Variants in SERPINI2 observed in about 807,000 individuals in gnomAD.
The protein encoded by SERPINI2 is serpin family I member 2, also known as serpin I2.
Under a neutral mutation model 47.3 loss-of-function variants are expected in SERPINI2, and 48 were observed. That is an observed-to-expected ratio of 1.02 (90% CI 0.81 to 1.29). The LOEUF (loss-of-function observed/expected upper bound fraction) is 1.29. Among genes scored for constraint, SERPINI2 ranks in the 50% most tolerant of loss-of-function variants. The probability of loss-of-function intolerance (pLI) is 0.00; values close to 1 mark genes in which losing one functional copy is unlikely to be tolerated. For synonymous variants in SERPINI2, 135 were observed against 149.3 expected, an observed-to-expected ratio of 0.90 and a Z score of 0.70; for missense variants, 448 against 456.9, an observed-to-expected ratio of 0.98 and a Z score of 0.18.
intron 7 of SERPINI2, 105 bp from the exon 8 acceptor site, chr3:167,446,586 G>A: frequency 5.9e-6 from 4 of 678,052 alleles, no homozygotes; most frequent in Non-Finnish European, 9.6e-6. Context: ...TTTTGTGTAA[G>A]GAGTTAACAT....
At chr3:167,474,195 C>T, upstream of SERPINI2, 1 of 866,402 alleles carries the variant, frequency 1.2e-6, no homozygotes, top group Non-Finnish European at 1.4e-6. Context: ...GGTTAATGAT[C>T]AACTGATGAA....
At chr3:167,444,058 A>G (rs908786140) in intron 8 of SERPINI2, among the ~76,000 whole-genome samples, 1 of 152,136 alleles carries the variant, frequency 6.6e-6, no homozygotes, top group South Asian at 2.1e-4. Flanking sequence ...GCGAGAAAAA[A>G]AATTCTTAAT....
At chr3:167,472,771 C>T (rs1413460574) in intron 1 of SERPINI2, among the ~76,000 whole-genome samples, 1 of 151,750 alleles carries the variant, frequency 6.6e-6, no homozygotes, top group Non-Finnish European at 1.5e-5. Flanking sequence ...GGAAATTCAA[C>T]CATTTGATTA....
chr3:167,462,424 T>C (rs940209819), intron 5 of SERPINI2, among the ~76,000 whole-genome samples: 1 of 152,188 alleles, frequency 6.6e-6, no homozygotes, highest in African/African-American at 2.4e-5. Flanking sequence ...GCCTCTCTTG[T>C]TGATTTGTAG....
chr3:167,460,005 T>C (rs1560233908), intron 5 of SERPINI2, among the ~76,000 whole-genome samples: 1 of 152,090 alleles, frequency 6.6e-6, no homozygotes, highest in East Asian at 1.9e-4. Context: ...TATCGGAAGG[T>C]AGGAAGAGGC....
chr3:167,461,544 A>G (rs1397514583), intron 5 of SERPINI2, among the ~76,000 whole-genome samples: 1 of 151,978 alleles, frequency 6.6e-6, no homozygotes, highest in Non-Finnish European at 1.5e-5. Flanking sequence ...GAAGTTTGAG[A>G]TGACGAGGGC....
At chr3:167,464,465 A>C (rs1313890164) in intron 5 of SERPINI2, among the ~76,000 whole-genome samples, 2 of 152,194 alleles carry the variant, frequency 1.3e-5, no homozygotes, top group Non-Finnish European at 2.9e-5. Context: ...AGGAAGTAAA[A>C]ACCAAGAGGT....
At chr3:167,455,440 AT>A (rs1379102528) in intron 5 of SERPINI2, among the ~76,000 whole-genome samples, 1 of 152,082 alleles carries the variant, frequency 6.6e-6, no homozygotes, top group Non-Finnish European at 1.5e-5. Context: ...CTTTCCCCTT[AT>A]CCCCAGAGTT....
intron 5 of SERPINI2, among the ~76,000 whole-genome samples, chr3:167,459,078 G>GTTTGTTTGTTTTTTTTTTTTTTTTT (rs1560233541): frequency 7.2e-6 from 1 of 139,028 alleles, no homozygotes; most frequent in African/African-American, 2.7e-5. Flanking sequence ...GTTTTTTTTT[G>GTTTGTTTGTTTTTTTTTTTTTTTTT]TTTTTTTTTT....
At chr3:167,473,475 C>A (rs1750395550) in intron 1 of SERPINI2, among the ~76,000 whole-genome samples, 1 of 151,382 alleles carries the variant, frequency 6.6e-6, no homozygotes, top group Non-Finnish European at 1.5e-5. Flanking sequence ...GTTATTAGTA[C>A]CTTTAAGTTA....
At chr3:167,466,427 C>T (rs1314655794) in intron 3 of SERPINI2, among the ~76,000 whole-genome samples, 1 of 152,178 alleles carries the variant, frequency 6.6e-6, no homozygotes. Context: ...ACTTCACATA[C>T]ATTATTATTA....
intron 5 of SERPINI2, 149 bp from the exon 6 acceptor site, chr3:167,453,182 T>A: frequency 2.0e-6 from 1 of 504,064 alleles, no homozygotes. Flanking sequence ...TCACACCATT[T>A]TCCCCGGCTC....
intron 5 of SERPINI2, among the ~76,000 whole-genome samples, chr3:167,456,120 A>G (rs1004314036): frequency 1.3e-5 from 2 of 150,870 alleles, no homozygotes; most frequent in African/African-American, 4.9e-5. Context: ...AGTACACAGT[A>G]AATTCTGGTC....
At chr3:167,471,239 T>C (rs1750307904) in intron 2 of SERPINI2, among the ~76,000 whole-genome samples, 1 of 152,100 alleles carries the variant, frequency 6.6e-6, no homozygotes, top group Non-Finnish European at 1.5e-5. Context: ...AGAATATGTA[T>C]GTGTATAGAT....
chr3:167,458,692 T>G (rs943128064), intron 5 of SERPINI2, among the ~76,000 whole-genome samples: 1 of 152,186 alleles, frequency 6.6e-6, no homozygotes, highest in Non-Finnish European at 1.5e-5. Context: ...TCCCAATCAA[T>G]GTTTTTGAAC....
At chr3:167,444,553 T>C (rs988018227) in intron 8 of SERPINI2, among the ~76,000 whole-genome samples, 4 of 152,194 alleles carry the variant, frequency 2.6e-5, no homozygotes, top group African/African-American at 9.6e-5. Flanking sequence ...TTAATCTCAA[T>C]GATTTCTTGA....
rs536884425 is a variant in SERPINI2 at position 167,470,550 on chromosome 3, CTTTTTT to C, written c.247+1032_247+1037del. ...AGATAGCTGAGGAGATGAGCAACAA[CTTTTTT>C]TTTTTTTTTTTTTTTTTTTTTTTGG... On this transcript the variant is annotated intron_variant, in intron 2 of 8. Transcript: ENST00000264677. Among the ~76,000 whole-genome samples the C allele has an allele frequency of 2.7e-3, 251 of 93,004 alleles. 2 individuals carry two copies. Among genetic ancestry groups the C allele is most frequent in the East Asian group, 5.8e-3 (19 of 3,304 alleles). The allele number at this position is 93,004 out of a possible 152,430, so 61.0% of individuals were successfully genotyped here.
chr3:167,459,724 G>A, intron 5 of SERPINI2, among the ~76,000 whole-genome samples: 1 of 149,762 alleles, frequency 6.7e-6, no homozygotes, highest in East Asian at 2.0e-4. Context: ...CTACCAAAGA[G>A]ATATTTTACA....
At chr3:167,448,021 CT>C (rs1341026507) in intron 7 of SERPINI2, among the ~76,000 whole-genome samples, 1 of 152,128 alleles carries the variant, frequency 6.6e-6, no homozygotes, top group Non-Finnish European at 1.5e-5. Context: ...TGATAAATAG[CT>C]TTTAAATATT....
Sources: gnomAD v4.1 joint callset for allele counts (sites outside exome capture counted in the v4.1 genomes callset) on GRCh38, gnomAD v4.1.1 for gene constraint, MANE v1.5 for transcripts, NCBI Gene and HGNC (gene_info 2026-07-23, HGNC 2026-07-21) for gene names.